EXTL3: variants seen among roughly 807,000 people sequenced by gnomAD.
EXTL3 encodes exostosin-like 3.
Under a neutral mutation model 69.3 loss-of-function variants are expected in EXTL3, and 27 were observed. That is an observed-to-expected ratio of 0.39 (90% confidence interval 0.29 to 0.54). The LOEUF is 0.54. Among genes scored for constraint, EXTL3 ranks in the 20% least tolerant of loss-of-function variants. The pLI is 0.69. For missense variants in EXTL3, 1,003 were observed against 1,231.8 expected (o/e 0.81, Z 2.78); for synonymous variants, 511 against 499.4 (o/e 1.02, Z -0.31).
At chr8:28,660,196 C>A (rs1229695387) in intron 1 of EXTL3, among the ~76,000 whole-genome samples, 1 of 152,098 alleles carries the variant, frequency 6.6e-6, no homozygotes, top group Non-Finnish European at 1.5e-5. Context: ...GACCTCATCA[C>A]TACAGAAAAT....
chr8:28,669,880 C>T (rs900225525), intron 1 of EXTL3, among the ~76,000 whole-genome samples: 1 of 152,054 alleles, frequency 6.6e-6, no homozygotes, highest in Admixed American at 6.6e-5. Context: ...ATCTGAATCA[C>T]CTGTACTGAG....
At chr8:28,684,165 T>A (rs1017172825) in intron 1 of EXTL3, among the ~76,000 whole-genome samples, 2 of 152,200 alleles carry the variant, frequency 1.3e-5, no homozygotes, top group African/African-American at 2.4e-5. Context: ...ATTTTCCTTA[T>A]CTGTTTGTCT....
upstream of EXTL3, among the ~76,000 whole-genome samples, chr8:28,619,804 C>T (rs1290097435): frequency 7.0e-6 from 1 of 141,884 alleles, no homozygotes; most frequent in Non-Finnish European, 1.5e-5. Context: ...GGAGAGCCAG[C>T]TGTCATCCGT....
At chr8:28,653,784 G>C (rs1182264969) in intron 1 of EXTL3, among the ~76,000 whole-genome samples, 2 of 152,066 alleles carry the variant, frequency 1.3e-5, no homozygotes, top group Non-Finnish European at 2.9e-5. Context: ...TTTGATTACT[G>C]TAGCTTTGTA....
At chr8:28,621,484 C>A (rs183844296), upstream of EXTL3, among the ~76,000 whole-genome samples, 2 of 152,206 alleles carry the variant, frequency 1.3e-5, no homozygotes, top group African/African-American at 4.8e-5. Flanking sequence ...CTGATTTAGC[C>A]CCCTAGCTTA....
At chr8:28,612,538 G>GT (rs1302018700) in intron 2 of EXTL3, among the ~76,000 whole-genome samples, 5 of 151,890 alleles carry the variant, frequency 3.3e-5, no homozygotes, top group African/African-American at 9.7e-5. Context: ...AACTCTCCCA[G>GT]TATGCTTGAC....
chr8:28,743,804 C>T (rs1454954738), intron 6 of EXTL3, among the ~76,000 whole-genome samples: 4 of 152,084 alleles, frequency 2.6e-5, no homozygotes, highest in African/African-American at 9.7e-5. Flanking sequence ...CAGTCTTGAC[C>T]AGATTGCCAA....
At chr8:28,736,784 G>A (rs1801660303) in intron 4 of EXTL3, among the ~76,000 whole-genome samples, 1 of 152,150 alleles carries the variant, frequency 6.6e-6, no homozygotes, top group South Asian at 2.1e-4. Flanking sequence ...TAAAAACAAA[G>A]CCTTTCTTAG....
chr8:28,689,980 C>T lies in EXTL3; in HGVS notation c.-52-23477C>T, dbSNP rs1482115844. ...AGATCACAGTCTTTGCTGATCCGATCTCTCTTCCAACTCAGCCATAAATAC... is the reference window on the plus strand; with the variant it reads ...AGATCACAGTCTTTGCTGATCCGATTTCTCTTCCAACTCAGCCATAAATAC... On this transcript the variant is annotated intron_variant, in intron 1 of 6. Transcript: ENST00000523149. Among the ~76,000 whole-genome samples, 5 of 152,288 alleles carry T rather than the reference C, an allele frequency of 3.3e-5. No homozygotes were observed. The East Asian group carries it at 5.8e-4, about 18-fold the overall frequency.
chr8:28,751,238 A>G lies in EXTL3; in HGVS notation c.*372A>G, dbSNP rs546340445. 107 of 271,666 alleles carry G rather than the reference A, an allele frequency of 3.9e-4. No homozygotes were observed. The highest frequency in any genetic ancestry group is 1.3e-3 in the Middle Eastern group (1 of 792). 16.8% of individuals were successfully genotyped at this position (271,666 alleles called of 1,614,324 possible). A position where few individuals can be genotyped will look rare whatever the true frequency, so the allele number is the denominator to read the frequency against. On this transcript the variant is annotated 3_prime_UTR_variant, in exon 7 of 7. Coordinates refer to ENST00000220562, the MANE Select transcript of EXTL3 (RefSeq NM_001440.4). Reference sequence around the variant, plus strand: ...AGAGAAAGTTTCAGATTTGCCATTCAAGGCTTATTTATATATATGTGTGTG... The same window carrying G: ...AGAGAAAGTTTCAGATTTGCCATTCGAGGCTTATTTATATATATGTGTGTG...
chr8:28,744,815 C>A (rs1247183329), intron 6 of EXTL3, among the ~76,000 whole-genome samples: 1 of 148,150 alleles, frequency 6.7e-6, no homozygotes, highest in Non-Finnish European at 1.5e-5. Flanking sequence ...AATACACACA[C>A]ACGCACACAC....
intron 4 of EXTL3, among the ~76,000 whole-genome samples, chr8:28,735,504 C>T (rs893898352): frequency 1.3e-5 from 2 of 152,220 alleles, no homozygotes. Flanking sequence ...TGTCTCTTAA[C>T]TGTCATTCAT....
intron 1 of EXTL3, among the ~76,000 whole-genome samples, chr8:28,649,003 C>T (rs1806877344): frequency 6.6e-6 from 1 of 152,164 alleles, no homozygotes; most frequent in Admixed American, 6.6e-5. Context: ...AGAAATTCTC[C>T]TGCCTCTGCC....
intron 1 of EXTL3, among the ~76,000 whole-genome samples, chr8:28,662,787 C>G (rs568322688): frequency 1.0e-3 from 155 of 152,238 alleles, no homozygotes; most frequent in Non-Finnish European, 1.7e-3. Context: ...TGGCACGTGC[C>G]TGTGGTCCCA....
chr8:28,751,812 G>C lies in EXTL3; in HGVS notation c.*946G>C, dbSNP rs1026956911. On this transcript the variant is annotated 3_prime_UTR_variant, in exon 7 of 7. Transcript: ENST00000220562. ...CGTGCTGTGGGCCTCAGGCGTTTCT[G>C]AAGTGCTCTTTCTTGGATTGGACAG... is the stretch of plus-strand genomic sequence containing the variant. 1 of 152,386 alleles carries C rather than the reference G, an allele frequency of 6.6e-6. No individual in the cohort carries two copies. Among genetic ancestry groups the C allele is most frequent in the Admixed American group, 6.5e-5 (1 of 15,284 alleles). The allele number at this position is 152,386 out of a possible 1,614,324, so 9.4% of individuals were successfully genotyped here.
chr8:28,740,088 C>G (rs1007064367), intron 5 of EXTL3: 9 of 152,172 alleles, frequency 5.9e-5, no homozygotes, highest in African/African-American at 2.2e-4. Context: ...TTTGGGCCCT[C>G]TAGTGTTGTC....
chr8:28,618,763 C>CCCTA (rs1806361530), upstream of EXTL3, among the ~76,000 whole-genome samples: 3 of 151,922 alleles, frequency 2.0e-5, no homozygotes, highest in Admixed American at 2.0e-4. Flanking sequence ...CCCCAGCGGC[C>CCCTA]CCTAGTGCCC....
At chr8:28,641,476 TATTTA>T (rs768304749) in intron 1 of EXTL3, among the ~76,000 whole-genome samples, 2 of 152,150 alleles carry the variant, frequency 1.3e-5, no homozygotes, top group African/African-American at 2.4e-5. Context: ...TGGGGAAAAG[TATTTA>T]ATTTATTTTT....
intron 2 of EXTL3, among the ~76,000 whole-genome samples, chr8:28,714,285 A>C (rs240950): frequency 0.33 from 49,962 of 152,040 alleles, 8,583 homozygotes; most frequent in African/African-American, 0.44. Flanking sequence ...ACGATGAAAT[A>C]AAATGTTACT....
Sources: allele counts gnomAD v4.1 joint callset (sites outside exome capture counted in the v4.1 genomes callset), GRCh38; gene constraint gnomAD v4.1.1; transcripts MANE v1.5; gene names NCBI Gene and HGNC (gene_info 2026-07-23, HGNC 2026-07-21).